The following AGBL1 variants were observed in gnomAD, a reference collection of about 807,000 sequenced individuals.
The protein encoded by AGBL1 is cytosolic carboxypeptidase 4.
Under a neutral mutation model 118.9 loss-of-function variants are expected in AGBL1, and 130 were observed. The ratio of observed to expected loss-of-function variants is 1.09; its 90% confidence interval spans 0.95 to 1.26. The LOEUF is 1.26. Among genes scored for constraint, AGBL1 ranks in the 50% most tolerant of loss-of-function variants. The pLI, the probability that AGBL1 is intolerant of heterozygous loss-of-function variation, is 0.00. For missense variants in AGBL1, 1,584 were observed against 1,298.1 expected, an observed-to-expected ratio of 1.22 and a Z score of -3.38; for synonymous variants, 555 against 478.9, an observed-to-expected ratio of 1.16 and a Z score of -2.08.
chr15:86,702,358 A>T (rs1304907430), intron 22 of AGBL1, among the ~76,000 whole-genome samples: 2 of 152,162 alleles, frequency 1.3e-5, no homozygotes, highest in Admixed American at 1.3e-4. Context: ...CAGGACAGAG[A>T]TGGCCTTATT....
intron 20 of AGBL1, among the ~76,000 whole-genome samples, chr15:86,550,890 T>C (rs2083655278): frequency 6.6e-6 from 1 of 151,992 alleles, no homozygotes; most frequent in Non-Finnish European, 1.5e-5. Context: ...AATATTCACC[T>C]ACTCAAGAGA....
chr15:86,476,023 C>T (rs1019244497), intron 18 of AGBL1, among the ~76,000 whole-genome samples: 6 of 152,160 alleles, frequency 3.9e-5, no homozygotes, highest in Non-Finnish European at 8.8e-5. Flanking sequence ...TACAGACAAG[C>T]AAATGCTGAG....
chr15:86,766,975 G>C (rs928476566), intron 22 of AGBL1, among the ~76,000 whole-genome samples: 2 of 151,878 alleles, frequency 1.3e-5, no homozygotes, highest in African/African-American at 4.8e-5. Flanking sequence ...AAGATTTAGG[G>C]TAATTTAGTA....
intron 18 of AGBL1, among the ~76,000 whole-genome samples, chr15:86,417,372 A>C (rs1327203257): frequency 1.3e-5 from 2 of 152,086 alleles, no homozygotes; most frequent in Non-Finnish European, 2.9e-5. Flanking sequence ...TTCTTCAATC[A>C]CTTGTCTTGG....
intron 18 of AGBL1, among the ~76,000 whole-genome samples, chr15:86,397,867 A>G (rs1278669459): frequency 1.3e-5 from 2 of 152,172 alleles, no homozygotes; most frequent in East Asian, 3.9e-4. Context: ...ATCACAGGCA[A>G]TTAATAGCAG....
At chr15:86,741,684 T>G (rs1408517642) in intron 22 of AGBL1, among the ~76,000 whole-genome samples, 1 of 152,000 alleles carries the variant, frequency 6.6e-6, no homozygotes, top group Admixed American at 6.6e-5. Context: ...AAGAATTTAG[T>G]CCCTTACTGA....
chr15:86,800,935 G>T (rs1405217796), intron 22 of AGBL1, among the ~76,000 whole-genome samples: 1 of 152,066 alleles, frequency 6.6e-6, no homozygotes, highest in Non-Finnish European at 1.5e-5. Flanking sequence ...ACATTTTAAG[G>T]GGTGAGATGC....
chr15:86,266,519 A>C (rs1370410682), intron 12 of AGBL1, 62 bp downstream of exon 12: 16 of 1,187,792 alleles, frequency 1.3e-5, no homozygotes, highest in Non-Finnish European at 1.9e-5. Flanking sequence ...TGGCATGAGA[A>C]TAGACATGTT....
At chr15:86,993,092 T>C (rs770861229) in intron 24 of AGBL1, among the ~76,000 whole-genome samples, 25 of 152,350 alleles carry the variant, frequency 1.6e-4, no homozygotes, top group Admixed American at 2.6e-4. Context: ...TAAAGTGATA[T>C]AATATTTGAC....
intron 3 of AGBL1, among the ~76,000 whole-genome samples, chr15:86,151,097 G>C (rs1361386121): frequency 6.8e-6 from 1 of 147,582 alleles, no homozygotes; most frequent in Non-Finnish European, 1.5e-5. Flanking sequence ...GGTGGGAATT[G>C]AACAATGAGA....
At chr15:86,172,872 T>C (rs1219032413) in intron 5 of AGBL1, among the ~76,000 whole-genome samples, 1 of 152,188 alleles carries the variant, frequency 6.6e-6, no homozygotes, top group Non-Finnish European at 1.5e-5. Context: ...TTCAATAGCG[T>C]GATTACTGGA....
intron 18 of AGBL1, among the ~76,000 whole-genome samples, chr15:86,466,305 C>A (rs2082405915): frequency 6.6e-6 from 1 of 151,970 alleles, no homozygotes; most frequent in Non-Finnish European, 1.5e-5. Flanking sequence ...CTTGCATATG[C>A]TTCATGAAGT....
At chr15:86,193,943 G>A (rs937085317) in intron 5 of AGBL1, among the ~76,000 whole-genome samples, 1 of 152,172 alleles carries the variant, frequency 6.6e-6, no homozygotes, top group Non-Finnish European at 1.5e-5. Flanking sequence ...GAGTATAACC[G>A]GGGTCAGTTT....
chr15:86,381,771 CA>C (rs976446983), intron 17 of AGBL1, among the ~76,000 whole-genome samples: 1 of 151,942 alleles, frequency 6.6e-6, no homozygotes, highest in Non-Finnish European at 1.5e-5. Context: ...GGGGCCTGTG[CA>C]AAGATCAGGA....
At chr15:86,163,085 A>G (rs980214345) in intron 5 of AGBL1, among the ~76,000 whole-genome samples, 5 of 152,288 alleles carry the variant, frequency 3.3e-5, no homozygotes, top group Admixed American at 1.3e-4. Flanking sequence ...AATTATATGT[A>G]TCTTGTTATT....
intron 21 of AGBL1, among the ~76,000 whole-genome samples, chr15:86,581,637 C>T (rs2084174088): frequency 6.6e-6 from 1 of 152,112 alleles, no homozygotes. Context: ...TCCTCGGGCA[C>T]TCTTCAGTCA....
chr15:86,111,668 A>G (rs1897390893), intron 1 of AGBL1, among the ~76,000 whole-genome samples: 1 of 152,164 alleles, frequency 6.6e-6, no homozygotes, highest in African/African-American at 2.4e-5. Flanking sequence ...TGGGGAAAAC[A>G]CTTGTGTAGT....
chr15:86,107,666 C>T (rs550413512), intron 1 of AGBL1: 1 of 152,282 alleles, frequency 6.6e-6, no homozygotes, highest in South Asian at 2.1e-4. Flanking sequence ...TAGAATTCAT[C>T]AGTGGGGATG....
intron 24 of AGBL1, among the ~76,000 whole-genome samples, chr15:86,989,650 A>C (rs1223972369): frequency 6.6e-6 from 1 of 152,224 alleles, no homozygotes; most frequent in African/African-American, 2.4e-5. Context: ...ATGGTGATAA[A>C]GATTTTATTA....
Sources: gnomAD v4.1 joint callset for allele counts (sites outside exome capture counted in the v4.1 genomes callset) on GRCh38, gnomAD v4.1.1 for gene constraint, MANE v1.5 for transcripts, NCBI Gene and HGNC (gene_info 2026-07-23, HGNC 2026-07-21) for gene names.